RMST: variants seen among roughly 807,000 people sequenced by gnomAD.
RMST encodes long intergenic non-protein coding RNA 54.
intron 11 of RMST, among the ~76,000 whole-genome samples, chr12:97,555,039 G>T (rs1883601164): frequency 6.6e-6 from 1 of 152,104 alleles, no homozygotes; most frequent in South Asian, 2.1e-4. Flanking sequence ...TGCACAGAAA[G>T]AAAAGTCAGA....
chr12:97,468,661 T>C (rs1873501494), intron 5 of RMST, among the ~76,000 whole-genome samples: 1 of 152,020 alleles, frequency 6.6e-6, no homozygotes, highest in Non-Finnish European at 1.5e-5. Context: ...CAGGAACATA[T>C]GGTTTGTAGT....
chr12:97,480,062 T>TTTTTC (rs946047049), intron 5 of RMST, among the ~76,000 whole-genome samples: 18 of 151,318 alleles, frequency 1.2e-4, no homozygotes, highest in African/African-American at 3.4e-4. Context: ...GAACTGCTAA[T>TTTTTC]TTTTCTTTTC....
At chr12:97,474,293 C>G (rs138648231) in intron 5 of RMST, among the ~76,000 whole-genome samples, 2 of 152,254 alleles carry the variant, frequency 1.3e-5, no homozygotes, top group African/African-American at 4.8e-5. Context: ...ATCCACTTGT[C>G]TAAACAGATG....
intron 11 of RMST, among the ~76,000 whole-genome samples, chr12:97,536,268 G>A (rs933375908): frequency 1.3e-5 from 2 of 151,196 alleles, no homozygotes; most frequent in Admixed American, 1.3e-4. Flanking sequence ...TAGAAGTACA[G>A]TATTGCTGCA....
intron 11 of RMST, among the ~76,000 whole-genome samples, chr12:97,534,944 G>A (rs1034358851): frequency 4.6e-5 from 7 of 151,650 alleles, no homozygotes; most frequent in African/African-American, 1.7e-4. Flanking sequence ...CAGAAATTTA[G>A]AGTAGATGTA....
intron 10 of RMST, among the ~76,000 whole-genome samples, chr12:97,518,332 CT>C (rs1407312159): frequency 2.6e-5 from 4 of 152,096 alleles, no homozygotes; most frequent in Non-Finnish European, 5.9e-5. Context: ...TTACCATACA[CT>C]TTGGTTAAAA....
At chr12:97,563,101 G>A (rs1220156145) in intron 13 of RMST, among the ~76,000 whole-genome samples, 2 of 152,122 alleles carry the variant, frequency 1.3e-5, no homozygotes, top group African/African-American at 4.8e-5. Context: ...ATAATACCAA[G>A]AGCAATGTCA....
intron 11 of RMST, among the ~76,000 whole-genome samples, chr12:97,546,112 T>A (rs71460392): frequency 1.3e-5 from 2 of 152,158 alleles, no homozygotes; most frequent in Non-Finnish European, 2.9e-5. Context: ...TCAACTATTG[T>A]TATTTTTTTA....
intron 5 of RMST, among the ~76,000 whole-genome samples, chr12:97,470,222 A>G (rs979153942): frequency 2.0e-5 from 3 of 152,112 alleles, no homozygotes; most frequent in Non-Finnish European, 4.4e-5. Context: ...AGATGATTTG[A>G]GCGAGATAAT....
intron 5 of RMST, among the ~76,000 whole-genome samples, chr12:97,473,896 T>C (rs923395431): frequency 6.6e-6 from 1 of 152,164 alleles, no homozygotes; most frequent in Non-Finnish European, 1.5e-5. Context: ...ACCTGTGTGT[T>C]GAAAAGCAAA....
At chr12:97,496,670 T>G (rs540237031) in intron 10 of RMST, among the ~76,000 whole-genome samples, 1 of 152,224 alleles carries the variant, frequency 6.6e-6, no homozygotes, top group East Asian at 1.9e-4. Flanking sequence ...CACTCTCTTG[T>G]GTTGGATGTC....
intron 10 of RMST, among the ~76,000 whole-genome samples, chr12:97,521,914 T>A (rs1592732040): frequency 6.6e-6 from 1 of 152,312 alleles, no homozygotes; most frequent in East Asian, 1.9e-4. Context: ...TCAGTGAGCA[T>A]TTTACTTAGA....
intron 11 of RMST, among the ~76,000 whole-genome samples, chr12:97,543,438 G>T (rs1400431903): frequency 6.6e-6 from 1 of 151,874 alleles, no homozygotes; most frequent in African/African-American, 2.4e-5. Flanking sequence ...CGATTTTTCT[G>T]CCCTGTTTAA....
At chr12:97,548,154 T>G (rs1883072050) in intron 11 of RMST, among the ~76,000 whole-genome samples, 1 of 152,162 alleles carries the variant, frequency 6.6e-6, no homozygotes, top group African/African-American at 2.4e-5. Flanking sequence ...GAGACTGTTC[T>G]TTTCTCATTA....
chr12:97,546,156 T>A (rs1882913378), intron 11 of RMST, among the ~76,000 whole-genome samples: 1 of 152,156 alleles, frequency 6.6e-6, no homozygotes, highest in Admixed American at 6.6e-5. Context: ...TTGGTTGTCA[T>A]TATCCTTGAA....
chr12:97,552,889 C>T (rs1462970985), intron 11 of RMST, among the ~76,000 whole-genome samples: 1 of 152,130 alleles, frequency 6.6e-6, no homozygotes, highest in Non-Finnish European at 1.5e-5. Flanking sequence ...TCAAAGGAGT[C>T]CTGACAAGCA....
chr12:97,474,234 G>A (rs1346659929), intron 5 of RMST, among the ~76,000 whole-genome samples: 1 of 152,058 alleles, frequency 6.6e-6, no homozygotes, highest in Non-Finnish European at 1.5e-5. Context: ...ACCCACTCCT[G>A]GATGCGGCCA....
chr12:97,557,496 C>A (rs940026315), intron 11 of RMST, among the ~76,000 whole-genome samples: 1 of 152,132 alleles, frequency 6.6e-6, no homozygotes, highest in Non-Finnish European at 1.5e-5. Context: ...CTTAGCTATA[C>A]CTATGAAACC....
At chr12:97,501,240 A>C (rs1048086211) in intron 10 of RMST, among the ~76,000 whole-genome samples, 7 of 152,228 alleles carry the variant, frequency 4.6e-5, no homozygotes, top group African/African-American at 1.7e-4. Context: ...GGTAGGAAAT[A>C]GACTAAAACA....
Sources: allele counts gnomAD v4.1 joint callset (sites outside exome capture counted in the v4.1 genomes callset), GRCh38; gene constraint gnomAD v4.1.1; transcripts MANE v1.5; gene names NCBI Gene and HGNC (gene_info 2026-07-23, HGNC 2026-07-21).